The following SNAP23 variants were observed in gnomAD, a reference collection of about 807,000 sequenced individuals.
SNAP23 encodes the protein synaptosome associated protein 23, also known as synaptosomal-associated protein 23.
A neutral mutation model predicts 29.0 loss-of-function variants in SNAP23; 11 were observed. The ratio of observed to expected loss-of-function variants is 0.38; its 90% CI spans 0.24 to 0.63. The LOEUF is 0.63. Ranked by LOEUF, SNAP23 falls within the 20% of genes least tolerant of loss-of-function variation. The pLI, the probability that SNAP23 is intolerant of heterozygous loss-of-function variation, is 0.58. For synonymous variants in SNAP23, 60 were observed against 82.9 expected, an observed-to-expected ratio of 0.72 and a Z score of 1.50; for missense variants, 220 against 253.9, an observed-to-expected ratio of 0.87 and a Z score of 0.91.
At chr15:42,513,748 C>T (rs2057376280) in intron 4 of SNAP23, among the ~76,000 whole-genome samples, 1 of 152,014 alleles carries the variant, frequency 6.6e-6, no homozygotes, top group South Asian at 2.1e-4. Flanking sequence ...TTACAGGCAC[C>T]TGCCACCACA....
At chr15:42,525,917 A>AT (rs796203217) in intron 5 of SNAP23, among the ~76,000 whole-genome samples, 13 of 152,306 alleles carry the variant, frequency 8.5e-5, no homozygotes, top group African/African-American at 2.9e-4. Flanking sequence ...AAGAATTCTC[A>AT]TAAGTGTAAA....
At chr15:42,504,383 C>CT (rs2057300857) in intron 1 of SNAP23, among the ~76,000 whole-genome samples, 2 of 151,930 alleles carry the variant, frequency 1.3e-5, no homozygotes, top group South Asian at 4.1e-4. Context: ...AAGTGAGACT[C>CT]TGTCTCAAAA....
At chr15:42,521,323 C>G (rs1264964797) in intron 5 of SNAP23, 1 of 234,984 alleles carries the variant, frequency 4.3e-6, no homozygotes, top group Non-Finnish European at 6.9e-6. Flanking sequence ...TCTCAAAGCA[C>G]TCCATTGGTT....
intron 5 of SNAP23, among the ~76,000 whole-genome samples, chr15:42,524,914 A>G (rs2141549898): frequency 6.6e-6 from 1 of 152,326 alleles, no homozygotes; most frequent in East Asian, 1.9e-4. Context: ...AGCAACCAAA[A>G]GGCATTACCT....
upstream of SNAP23, among the ~76,000 whole-genome samples, chr15:42,494,136 A>T (rs540448210): frequency 6.6e-6 from 1 of 152,180 alleles, no homozygotes; most frequent in South Asian, 2.1e-4. Context: ...AAACAAAAAC[A>T]AAAAATCTTG....
chr15:42,503,233 G>A (rs937813937), intron 1 of SNAP23, among the ~76,000 whole-genome samples: 1 of 151,900 alleles, frequency 6.6e-6, no homozygotes, highest in South Asian at 2.1e-4. Flanking sequence ...ATGGAGTCTC[G>A]CTCTGTCGCT....
chr15:42,530,335 T>C (rs915963075), intron 7 of SNAP23, among the ~76,000 whole-genome samples: 7 of 152,220 alleles, frequency 4.6e-5, no homozygotes, highest in Non-Finnish European at 8.8e-5. Context: ...ATAGTTCTTA[T>C]GGAGTGGACA....
intron 1 of SNAP23, among the ~76,000 whole-genome samples, chr15:42,503,920 TG>T (rs2057296808): frequency 6.6e-6 from 1 of 152,168 alleles, no homozygotes; most frequent in African/African-American, 2.4e-5. Flanking sequence ...AAAATATGTA[TG>T]TATATTTGCA....
upstream of SNAP23, among the ~76,000 whole-genome samples, chr15:42,492,027 CAGCCTCCCA>C (rs2057170817): frequency 1.3e-5 from 2 of 152,226 alleles, no homozygotes; most frequent in South Asian, 4.1e-4. Context: ...AATCCTGCCT[CAGCCTCCCA>C]AGTAGCTGGA....
chr15:42,528,875 C>G (rs1401026678), intron 6 of SNAP23, among the ~76,000 whole-genome samples: 2 of 152,176 alleles, frequency 1.3e-5, no homozygotes, highest in Non-Finnish European at 2.9e-5. Flanking sequence ...CATAAGCTAC[C>G]ACACCTGGCC....
Position 42,512,999 on chromosome 15 carries a change from A to G in SNAP23, c.99+3A>G. 6.2e-7 allele frequency: 1 copy of G among 1,604,250 alleles called. No homozygotes were observed. Among genetic ancestry groups the G allele is most frequent in the Non-Finnish European group, 8.5e-7 (1 of 1,170,942 alleles). On this transcript the variant is annotated splice_donor_region_variant and intron_variant, in intron 3 of 7. Transcript: ENST00000249647. ...GAATCCTGGGTTTAGCCATTGAGGT[A>G]AGAAAATGTTAGTCATCAACTTAAG...
intron 5 of SNAP23, among the ~76,000 whole-genome samples, chr15:42,519,015 A>T (rs954334430): frequency 1.3e-5 from 2 of 150,094 alleles, no homozygotes; most frequent in African/African-American, 4.9e-5. Context: ...GGTGCATGTC[A>T]CCATGCCTGG....
At chr15:42,518,610 G>C (rs893037449) in intron 5 of SNAP23, among the ~76,000 whole-genome samples, 1 of 151,808 alleles carries the variant, frequency 6.6e-6, no homozygotes, top group Non-Finnish European at 1.5e-5. Flanking sequence ...GTAGAGACAA[G>C]GTTTCACCAT....
chr15:42,502,007 G>T (rs1448987840), intron 1 of SNAP23, among the ~76,000 whole-genome samples: 1 of 151,106 alleles, frequency 6.6e-6, no homozygotes, highest in African/African-American at 2.4e-5. Context: ...TTCCAGGGAC[G>T]TGAGTGCTTA....
intron 6 of SNAP23, among the ~76,000 whole-genome samples, chr15:42,528,742 C>T (rs182889442): frequency 2.6e-4 from 39 of 152,132 alleles, no homozygotes; most frequent in African/African-American, 8.9e-4. Context: ...TGCGCCACCA[C>T]GCCCAGCTAA....
Position 42,512,940 on chromosome 15 carries a change from T to G in SNAP23, c.58-15T>G. 6.2e-7 allele frequency: 1 copy of G among 1,602,154 alleles called. No individual in the cohort carries two copies. The highest frequency in any genetic ancestry group is 1.3e-5 in the African/African-American group (1 of 74,682). On this transcript the variant is annotated splice_polypyrimidine_tract_variant and intron_variant, in intron 2 of 7. Transcript: ENST00000249647. ...TACATATTTTGGAATGCTAAAATTC[T>G]GTGTTCTTTCCTAGTCTCTGGAAAG...
At chr15:42,494,823 ACTTT>A (rs2057202803), upstream of SNAP23, among the ~76,000 whole-genome samples, 1 of 152,066 alleles carries the variant, frequency 6.6e-6, no homozygotes. Flanking sequence ...CTGGTGAAGC[ACTTT>A]CTTTTCTTGA....
intron 5 of SNAP23, among the ~76,000 whole-genome samples, chr15:42,525,079 CAA>C (rs1002472190): frequency 2.8e-4 from 42 of 152,220 alleles, no homozygotes; most frequent in African/African-American, 1.0e-3. Flanking sequence ...TAAAAAAATT[CAA>C]AGTCAGCTGG....
chr15:42,498,504 T>G lies in SNAP23; in HGVS notation c.-15+2791T>G, dbSNP rs1027223302. The stretch of plus-strand genomic sequence containing the variant: ...AGCCAGGAGCTGGAGCAGCTGGGAC[T>G]CAGGGCCCCAAGTTCTGAGGCTGCC... On this transcript the variant is annotated intron_variant, in intron 1 of 7. Coordinates refer to ENST00000249647, the MANE Select transcript of SNAP23 (RefSeq NM_003825.4). Among the ~76,000 whole-genome samples, 3 of 152,200 alleles carry G rather than the reference T, an allele frequency of 2.0e-5. No individual in the cohort carries two copies. The South Asian group carries it at 6.2e-4, about 31-fold the overall frequency.
Sources: allele counts gnomAD v4.1 joint callset (sites outside exome capture counted in the v4.1 genomes callset), GRCh38; gene constraint gnomAD v4.1.1; transcripts MANE v1.5; gene names NCBI Gene and HGNC (gene_info 2026-07-23, HGNC 2026-07-21).